The following ZFHX3 variants were observed in gnomAD, a reference collection of about 807,000 sequenced individuals.
ZFHX3 encodes the protein zinc finger homeobox protein 3.
Under a neutral mutation model 279.1 loss-of-function variants are expected in ZFHX3, and 42 were observed. The ratio of observed to expected loss-of-function variants is 0.15; its 90% CI spans 0.12 to 0.19. The LOEUF is 0.19. ZFHX3 is among the 10% of genes least tolerant of loss of function. ZFHX3 has a pLI of 1.00. For missense variants in ZFHX3, 4,981 were observed against 4,754.0 expected (o/e 1.05, Z -1.40); for synonymous variants, 2,293 against 1,957.8 (o/e 1.17, Z -4.52).
chr16:73,683,069 A>AGACT (rs2053043904), intron 1 of ZFHX3, among the ~76,000 whole-genome samples: 1 of 152,234 alleles, frequency 6.6e-6, no homozygotes, highest in Non-Finnish European at 1.5e-5. Flanking sequence ...TTTTGAAGAT[A>AGACT]GACTATACAT....
At chr16:73,180,008 A>G (rs1301384855) in intron 5 of ZFHX3, among the ~76,000 whole-genome samples, 1 of 152,224 alleles carries the variant, frequency 6.6e-6, no homozygotes, top group African/African-American at 2.4e-5. Flanking sequence ...CCACTGCTTG[A>G]ATTACCACTA....
At chr16:73,730,859 T>C (rs1031039554) in intron 1 of ZFHX3, among the ~76,000 whole-genome samples, 1 of 152,296 alleles carries the variant, frequency 6.6e-6, no homozygotes, top group Admixed American at 6.5e-5. Flanking sequence ...CTTCCAGCTC[T>C]ACACAGCCTC....
rs202037938 is a variant in ZFHX3 at position 73,086,738 on chromosome 16, AC to A, written c.-533+6496del. Among the ~76,000 whole-genome samples the A allele has an allele frequency of 6.7e-3, 1,027 of 152,204 alleles. 10 individuals carry two copies. Among genetic ancestry groups the A allele is most frequent in the African/African-American group, 0.024 (981 of 41,530 alleles). On this transcript the variant is annotated intron_variant, in intron 8 of 17. Coordinates refer to the ZFHX3 transcript ENST00000641206. ...GGCAACATGACAAAACCCCATCTGT[AC>A]AAAAAATACAAAAATTAGCTAGGTG...
chr16:73,515,532 G>A (rs561067698), intron 2 of ZFHX3, among the ~76,000 whole-genome samples: 3 of 149,592 alleles, frequency 2.0e-5, no homozygotes, highest in Admixed American at 1.3e-4. Context: ...GAAAGAGGGA[G>A]AGAGAGAGAG....
chr16:72,857,197 T>C (rs1231822681), intron 4 of ZFHX3, among the ~76,000 whole-genome samples: 1 of 152,206 alleles, frequency 6.6e-6, no homozygotes, highest in Non-Finnish European at 1.5e-5. Context: ...TTCCTAGGCA[T>C]TTCTGATCAA....
chr16:73,323,875 C>T (rs530329476), intron 3 of ZFHX3, among the ~76,000 whole-genome samples: 10 of 152,260 alleles, frequency 6.6e-5, no homozygotes, highest in Non-Finnish European at 1.3e-4. Flanking sequence ...AGTGATCAAC[C>T]CATCTGGGCT....
intron 2 of ZFHX3, among the ~76,000 whole-genome samples, chr16:73,583,841 ACAGATTCTGAT>A (rs767585323): frequency 1.3e-5 from 2 of 152,210 alleles, no homozygotes; most frequent in African/African-American, 4.8e-5. Flanking sequence ...GTAAAATTGG[ACAGATTCTGAT>A]CAGATTCTGA....
intron 3 of ZFHX3, among the ~76,000 whole-genome samples, chr16:73,406,895 C>T (rs1438093239): frequency 1.3e-5 from 2 of 152,114 alleles, no homozygotes; most frequent in Non-Finnish European, 1.5e-5. Flanking sequence ...TATTATCTGG[C>T]GACATTCCCA....
intron 1 of ZFHX3, among the ~76,000 whole-genome samples, chr16:73,870,175 A>T (rs8047488): frequency 0.3 from 45,870 of 152,078 alleles, 7,651 homozygotes; most frequent in Non-Finnish European, 0.38. Flanking sequence ...TAGGTCCCTC[A>T]TAATCAATTT....
At chr16:73,614,009 C>T (rs1368018277) in intron 2 of ZFHX3, among the ~76,000 whole-genome samples, 4 of 152,170 alleles carry the variant, frequency 2.6e-5, no homozygotes, top group East Asian at 1.9e-4. Context: ...ACAATGAATC[C>T]GAGCTTTCTG....
At chr16:72,928,146 A>G (rs1158786348) in intron 3 of ZFHX3, among the ~76,000 whole-genome samples, 1 of 19,480 alleles carries the variant, frequency 5.1e-5, no homozygotes, top group East Asian at 1.8e-3. Context: ...GAGGGGAGAG[A>G]GGGAGGGGGA....
intron 3 of ZFHX3, among the ~76,000 whole-genome samples, chr16:72,914,449 A>G (rs1415928274): frequency 1.3e-5 from 2 of 152,160 alleles, no homozygotes; most frequent in Non-Finnish European, 2.9e-5. Flanking sequence ...AAACATTTAG[A>G]GTTCACTGTG....
At chr16:72,836,547 C>T (rs2037197049) in intron 4 of ZFHX3, among the ~76,000 whole-genome samples, 1 of 152,116 alleles carries the variant, frequency 6.6e-6, no homozygotes, top group African/African-American at 2.4e-5. Flanking sequence ...CATCACACAT[C>T]GTACACTCAG....
At position 72,797,655 on chromosome 16, in the gene ZFHX3, C is replaced by A; in HGVS notation, c.5027G>T (p.Ser1676Ile). The change falls in exon 9 of 10, where the codon AGC (serine) becomes ATC (isoleucine). Residue 1676 changes from serine to isoleucine, a missense_variant. Ser to Ile is a moderately radical substitution (Grantham distance 142, BLOSUM62 -2). Coordinates refer to ENST00000268489, the MANE Select transcript of ZFHX3 (RefSeq NM_006885.4). ...SNPSSAGIAP[S>I]SNLLSQVPTE... ...GGGCACTTGGCTTAGTAAGTTAGAG[C>A]TTGGAGCAATGCCAGCACTGCTTGG... is the stretch of plus-strand genomic sequence containing the variant. 2 of 1,614,128 alleles carry A rather than the reference C, an allele frequency of 1.2e-6. No individual in the cohort carries two copies. The highest frequency in any genetic ancestry group is 1.7e-6 in the Non-Finnish European group (2 of 1,180,036).
At chr16:73,250,101 A>C (rs550123281) in intron 5 of ZFHX3, among the ~76,000 whole-genome samples, 1 of 152,324 alleles carries the variant, frequency 6.6e-6, no homozygotes, top group East Asian at 1.9e-4. Context: ...TTTTCTTTCA[A>C]TGAAGGCAGG....
At chr16:73,482,623 C>A (rs1364754789) in intron 2 of ZFHX3, among the ~76,000 whole-genome samples, 3 of 152,212 alleles carry the variant, frequency 2.0e-5, no homozygotes, top group African/African-American at 7.2e-5. Context: ...CCTGCCACCT[C>A]CCCTCACTCA....
intron 3 of ZFHX3, among the ~76,000 whole-genome samples, chr16:73,445,334 G>A (rs1343131114): frequency 6.6e-6 from 1 of 151,748 alleles, no homozygotes; most frequent in Non-Finnish European, 1.5e-5. Flanking sequence ...GGGGGGGAGA[G>A]AGAGAGAGCA....
In ZFHX3 at chr16:73,787,437, C is replaced by T. The variant is rs2142310753; in HGVS notation, c.-1608+104214G>A. Reference sequence around the variant, plus strand: ...TTGGATGACTGAAGAAAACTGATGGCAACAATATAAGTACTGTTCAGCTGT... The same window carrying T: ...TTGGATGACTGAAGAAAACTGATGGTAACAATATAAGTACTGTTCAGCTGT... On this transcript the variant is annotated intron_variant, in intron 1 of 17. Transcript: ENST00000641206. 2.0e-5 allele frequency among the ~76,000 whole-genome samples: 3 copies of T among 152,248 alleles called. 1 individual carries two copies. Among genetic ancestry groups the T allele is most frequent in the Admixed American group, 2.0e-4 (3 of 15,296 alleles).
chr16:73,805,149 T>A (rs1231089447), intron 1 of ZFHX3, among the ~76,000 whole-genome samples: 2 of 152,072 alleles, frequency 1.3e-5, no homozygotes, highest in African/African-American at 4.8e-5. Context: ...TCTTTATATA[T>A]TCGTTATATT....
Sources: gnomAD v4.1 joint callset for allele counts (sites outside exome capture counted in the v4.1 genomes callset) on GRCh38, gnomAD v4.1.1 for gene constraint, MANE v1.5 for transcripts, NCBI Gene and HGNC (gene_info 2026-07-23, HGNC 2026-07-21) for gene names.